The following TRPA1 variants were observed in gnomAD, a reference collection of about 807,000 sequenced individuals.
TRPA1 encodes transient receptor potential cation channel subfamily A member 1.
A neutral mutation model predicts 131.3 loss-of-function variants in TRPA1; 129 were observed. The observed-to-expected ratio is 0.98, with a 90% CI of 0.85 to 1.14. TRPA1 has a LOEUF of 1.14. Ranked by LOEUF, TRPA1 falls within the 50% of genes most tolerant of loss-of-function variation. The probability of loss-of-function intolerance (pLI) is 0.00; values close to 1 mark genes in which losing one functional copy is unlikely to be tolerated. For missense variants in TRPA1, 1,304 were observed against 1,354.2 expected (o/e 0.96, Z 0.58); for synonymous variants, 441 against 451.7 (o/e 0.98, Z 0.30).
intron 3 of TRPA1, among the ~76,000 whole-genome samples, chr8:72,066,849 A>C (rs561593369): frequency 1.3e-5 from 2 of 152,290 alleles, no homozygotes; most frequent in South Asian, 2.1e-4. Context: ...TAAACTGTGC[A>C]CCTACTTCAA....
At position 72,025,915 on chromosome 8, in the gene TRPA1, A is replaced by G. The variant is rs755961217; in HGVS notation, c.3051+45T>C. On this transcript the variant is annotated intron_variant, in intron 25 of 26. Coordinates refer to ENST00000262209, the MANE Select transcript of TRPA1 (RefSeq NM_007332.3). ...GGGTTAACACAATGAATGAATGTCA[A>G]ACAGTGTCATGTTACTGATGTTGTT... 5 of 1,516,094 alleles carry G rather than the reference A, an allele frequency of 3.3e-6. No homozygotes were observed. The East Asian group carries it at 1.1e-4, about 34-fold the overall frequency. The allele number at this position is 1,516,094 out of a possible 1,614,324, so 93.9% of individuals were successfully genotyped here.
intron 26 of TRPA1, 75 bp from the exon 27 acceptor site, chr8:72,023,191 G>C: frequency 2.1e-6 from 1 of 479,376 alleles, no homozygotes; most frequent in Non-Finnish European, 2.7e-6. Flanking sequence ...GAAGGCATAG[G>C]TTTTAACCTC....
At chr8:72,057,073 T>C (rs1276311619) in intron 9 of TRPA1, 56 bp from the exon 10 acceptor site, 1 of 1,389,842 alleles carries the variant, frequency 7.2e-7, no homozygotes, top group Non-Finnish European at 9.9e-7. Flanking sequence ...AAGCAATGTT[T>C]ACGTGGATTT....
At chr8:72,052,969 G>GTGTGTGTGTGTGTGTGTGTA (rs1805552576) in intron 13 of TRPA1, 1 of 312,056 alleles carries the variant, frequency 3.2e-6, no homozygotes, top group Non-Finnish European at 5.9e-6. Flanking sequence ...GTGGATCTGT[G>GTGTGTGTGTGTGTGTGTGTA]TGTGTGTGTG....
In TRPA1 at chr8:72,034,388, A is replaced by T; in HGVS notation, c.2556-11T>A. ...CCACAATTTTCAAATCTAGAAAAGT[A>T]AAAAAAAAAAAATTTACTCACTTTT... On this transcript the variant is annotated splice_polypyrimidine_tract_variant and intron_variant, in intron 21 of 26. Coordinates refer to ENST00000262209, the MANE Select transcript of TRPA1 (RefSeq NM_007332.3). The T allele has an allele frequency of 1.1e-5, 6 of 540,016 alleles. No homozygotes were observed. Among genetic ancestry groups the T allele is most frequent in the Non-Finnish European group, 1.6e-5 (6 of 381,588 alleles). 33.5% of individuals were successfully genotyped at this position (540,016 alleles called of 1,614,324 possible).
intron 12 of TRPA1, chr8:72,054,732 C>A (rs1050146747): frequency 6.6e-5 from 10 of 152,202 alleles, no homozygotes; most frequent in Non-Finnish European, 1.2e-4. Flanking sequence ...TTGCTGGCAT[C>A]AATATTATGG....
intron 2 of TRPA1, among the ~76,000 whole-genome samples, chr8:72,069,554 C>T (rs1271233412): frequency 6.6e-6 from 1 of 152,102 alleles, no homozygotes; most frequent in East Asian, 1.9e-4. Flanking sequence ...GCTAAGTTCA[C>T]ATGACCATTA....
chr8:72,054,859 T>C (rs537153424), intron 12 of TRPA1: 1 of 152,582 alleles, frequency 6.6e-6, no homozygotes, highest in Non-Finnish European at 1.5e-5. Context: ...TATCACAATA[T>C]CATTTAATTA....
chr8:72,059,562 TAG>T (rs34941077), intron 7 of TRPA1, 124 bp from the exon 8 acceptor site: 7,890 of 610,982 alleles, frequency 0.013, 249 homozygotes, highest in East Asian at 0.066. Flanking sequence ...GATAGAATGT[TAG>T]AGAATTAGTA....
At chr8:72,050,335 GC>G (rs1479636708) in intron 15 of TRPA1, among the ~76,000 whole-genome samples, 23 of 152,240 alleles carry the variant, frequency 1.5e-4, no homozygotes, top group African/African-American at 5.1e-4. Context: ...GAGAAGGCAG[GC>G]CCAGGTACAA....
chr8:72,053,349 G>A (rs1322583653), intron 13 of TRPA1: 25 of 249,590 alleles, frequency 1.0e-4, no homozygotes, highest in Non-Finnish European at 3.9e-5. Flanking sequence ...CATTTCAAAA[G>A]TTACTCTCCC....
rs753485898 is a variant in TRPA1 at position 72,052,679 on chromosome 8, G to T, written c.1731C>A (p.Asn577Lys). The T allele has an allele frequency of 1.2e-6, 2 of 1,613,868 alleles. No individual in the cohort carries two copies. Among genetic ancestry groups the T allele is most frequent in the East Asian group, 4.5e-5 (2 of 44,844 alleles). ...GGTGCAAAAAGGAGGCCTGCTGCTT[G>T]TTCAGGACTATGTCAGCATTGTGGC... ...LLSHNADIVL[N>K]KQQASFLHLA... Residue 577 changes from asparagine (N) to lysine (K), a missense_variant, in exon 14 of 27, where the codon AAC becomes AAA. By Grantham distance (94) the Asn-to-Lys change is moderately conservative. Transcript: ENST00000262209.
At position 72,069,014 on chromosome 8, in the gene TRPA1, T is replaced by C. The variant is rs780575424; in HGVS notation, c.444+9A>G. ...GGTCAGGCCCTTTGGAGCCGGCCAG[T>C]AGCCTTACCTTCATCACCTCATTAT... On this transcript the variant is annotated intron_variant, in intron 3 of 26. Transcript: ENST00000262209. 2.5e-6 allele frequency: 4 copies of C among 1,614,220 alleles called. No individual in the cohort carries two copies. Among genetic ancestry groups the C allele is most frequent in the Non-Finnish European group, 3.4e-6 (4 of 1,180,028 alleles).
At chr8:72,076,899 A>G (rs1213337376), upstream of TRPA1, among the ~76,000 whole-genome samples, 1 of 152,176 alleles carries the variant, frequency 6.6e-6, no homozygotes, top group South Asian at 2.1e-4. Context: ...TGTTCAGGGT[A>G]TGCAAGATAA....
chr8:72,032,201 C>T (rs1811850457), intron 23 of TRPA1, among the ~76,000 whole-genome samples: 1 of 152,132 alleles, frequency 6.6e-6, no homozygotes, highest in Admixed American at 6.5e-5. Context: ...TGAATTAAAG[C>T]TTTTGAAGAG....
the TRPA1 span, among the ~76,000 whole-genome samples, chr8:72,081,662 T>C: frequency 1.3e-5 from 2 of 151,858 alleles, no homozygotes; most frequent in Non-Finnish European, 3.0e-5. Flanking sequence ...TATACTCCAT[T>C]GAGCGAGTGT....
intron 23 of TRPA1, among the ~76,000 whole-genome samples, chr8:72,032,086 A>T (rs750063680): frequency 2.6e-5 from 4 of 152,150 alleles, no homozygotes; most frequent in Admixed American, 2.0e-4. Flanking sequence ...ACAATCATGG[A>T]GTGTGCATTT....
At chr8:72,047,041 C>T in intron 16 of TRPA1, 107 bp downstream of exon 16, 1 of 842,534 alleles carries the variant, frequency 1.2e-6, no homozygotes, top group Middle Eastern at 3.6e-4. Context: ...CAAATTAGAT[C>T]AATACCATCT....
chr8:72,038,142 A>T (rs2129433860), intron 19 of TRPA1, 70 bp from the exon 20 acceptor site: 1 of 829,258 alleles, frequency 1.2e-6, no homozygotes, highest in Non-Finnish European at 1.9e-6. Flanking sequence ...CATAATTTTC[A>T]CTATTAAATT....
Sources: gnomAD v4.1 joint callset for allele counts (sites outside exome capture counted in the v4.1 genomes callset) on GRCh38, gnomAD v4.1.1 for gene constraint, MANE v1.5 for transcripts, NCBI Gene and HGNC (gene_info 2026-07-23, HGNC 2026-07-21) for gene names.